The following ZNF546 variants were observed in gnomAD, a reference collection of about 807,000 sequenced individuals.
The protein encoded by ZNF546 is zinc finger protein 546.
ZNF546 carries 60 observed loss-of-function variants against 76.2 expected under a neutral mutation model. The ratio of observed to expected loss-of-function variants is 0.79; its 90% CI spans 0.64 to 0.98. The LOEUF (loss-of-function observed/expected upper bound fraction) is 0.98. Among genes scored for constraint, ZNF546 ranks in the 50% least tolerant of loss-of-function variants. ZNF546 has a pLI of 0.00. For missense variants in ZNF546, 936 were observed against 1,035.6 expected (o/e 0.90, Z 1.32); for synonymous variants, 277 against 328.1 (o/e 0.84, Z 1.68).
At position 39,998,281 on chromosome 19, in the gene ZNF546, G is replaced by T. The variant is rs764993739; in HGVS notation, c.-46G>T. 1.5e-5 allele frequency: 22 copies of T among 1,462,688 alleles called. No homozygotes were observed. Among genetic ancestry groups the T allele is most frequent in the Non-Finnish European group, 1.9e-5 (20 of 1,044,422 alleles). 90.6% of individuals were successfully genotyped at this position (1,462,688 alleles called of 1,614,324 possible). On this transcript the variant is annotated 5_prime_UTR_variant, in exon 3 of 7. Transcript: ENST00000347077. ...AACATTGCTTTGCTTTTCCTGAATT[G>T]TCCAGTGACCTATCCCAGGCCTTCC...
intron 1 of ZNF546, among the ~76,000 whole-genome samples, chr19:39,997,576 C>T (rs1971470776): frequency 6.6e-6 from 1 of 152,206 alleles, no homozygotes; most frequent in Admixed American, 6.5e-5. Context: ...TTAGAAGTGT[C>T]CCTAAAACAG....
intron 3 of ZNF546, among the ~76,000 whole-genome samples, chr19:40,002,329 A>G (rs1192248975): frequency 6.6e-6 from 1 of 152,228 alleles, no homozygotes; most frequent in Non-Finnish European, 1.5e-5. Context: ...ATATGCTTTA[A>G]TAGCCACTTG....
chr19:40,013,622 G>A, intron 6 of ZNF546, 43 bp from the exon 7 acceptor site: 5 of 1,437,624 alleles, frequency 3.5e-6, no homozygotes, highest in Non-Finnish European at 4.6e-6. Flanking sequence ...TAGCATTATA[G>A]CATTTGTTTA....
chr19:40,020,063 C>T lies in ZNF546; in HGVS notation c.*4282C>T, dbSNP rs1005925555. ...CAAGCAGTTTTGTGAAAAGCCTTCCCGGTAAGAATACAAAAGCATCTGCAC... is the reference window on the plus strand; with the variant it reads ...CAAGCAGTTTTGTGAAAAGCCTTCCTGGTAAGAATACAAAAGCATCTGCAC... On this transcript the variant is annotated 3_prime_UTR_variant, in exon 7 of 7. Transcript: ENST00000347077. The T allele has an allele frequency of 2.0e-5, 3 of 152,092 alleles. No homozygotes were observed. Among genetic ancestry groups the T allele is most frequent in the South Asian group, 2.1e-4 (1 of 4,824 alleles). 9.4% of individuals were successfully genotyped at this position (152,092 alleles called of 1,614,324 possible). A position where few individuals can be genotyped will look rare whatever the true frequency, so the allele number is the denominator to read the frequency against.
rs1971767930 is a variant in ZNF546 at position 40,016,352 on chromosome 19, C to G, written c.*571C>G. ...CCTGGCCAACATGGTGAAACCCCTT[C>G]TCTACTAAAATACACAAATTAGCTA... On this transcript the variant is annotated 3_prime_UTR_variant, in exon 7 of 7. Transcript: ENST00000347077. 6.5e-6 allele frequency: 1 copy of G among 153,756 alleles called. No individual in the cohort carries two copies. The highest frequency in any genetic ancestry group is 6.4e-5 in the Admixed American group (1 of 15,524). The allele number at this position is 153,756 out of a possible 1,614,324, so 9.5% of individuals were successfully genotyped here. A position where few individuals can be genotyped will look rare whatever the true frequency, so the allele number is the denominator to read the frequency against.
In ZNF546 at chr19:39,998,295, C is replaced by T. The variant is rs1475553279; in HGVS notation, c.-32C>T. On this transcript the variant is annotated 5_prime_UTR_variant, in exon 3 of 7. Coordinates refer to ENST00000347077, the MANE Select transcript of ZNF546 (RefSeq NM_178544.5). ...TTTCCTGAATTGTCCAGTGACCTAT[C>T]CCAGGCCTTCCTTTCCAGTGAACAA... The T allele has an allele frequency of 1.3e-6, 2 of 1,576,660 alleles. No individual in the cohort carries two copies. The highest frequency in any genetic ancestry group is 1.7e-6 in the Non-Finnish European group (2 of 1,146,064).
At position 40,019,958 on chromosome 19, in the gene ZNF546, C is replaced by T. The variant is rs1334614632; in HGVS notation, c.*4177C>T. On this transcript the variant is annotated 3_prime_UTR_variant, in exon 7 of 7. Coordinates refer to ENST00000347077, the MANE Select transcript of ZNF546 (RefSeq NM_178544.5). ...TTTCCTCAATGCTTAACACTGAGCA[C>T]AATTTTTCACATATTTGAAATCAAG... is the stretch of plus-strand genomic sequence containing the variant. 1.3e-5 allele frequency: 2 copies of T among 152,080 alleles called. No individual in the cohort carries two copies. Among genetic ancestry groups the T allele is most frequent in the African/African-American group, 2.4e-5 (1 of 41,412 alleles). The allele number at this position is 152,080 out of a possible 1,614,324, so 9.4% of individuals were successfully genotyped here. A position where few individuals can be genotyped will look rare whatever the true frequency, so the allele number is the denominator to read the frequency against.
intron 3 of ZNF546, among the ~76,000 whole-genome samples, chr19:40,004,808 T>C (rs1405928186): frequency 2.6e-5 from 4 of 152,104 alleles, no homozygotes; most frequent in Non-Finnish European, 2.9e-5. Context: ...ATCTTGGATA[T>C]TTCCCAAATC....
At chr19:40,005,411 T>G (rs1194929070) in intron 3 of ZNF546, among the ~76,000 whole-genome samples, 1 of 152,180 alleles carries the variant, frequency 6.6e-6, no homozygotes, top group African/African-American at 2.4e-5. Context: ...TCCTTCTACA[T>G]GCCATGTTTT....
At position 40,014,808 on chromosome 19, in the gene ZNF546, C is replaced by T. The variant is rs1971732206; in HGVS notation, c.1538C>T (p.Thr513Ile). ...GKTFSSRYHLTQHYRIHTGEK... is the reference protein window; with the variant it reads ...GKTFSSRYHLIQHYRIHTGEK... ...ACCTTCAGTAGTCGCTATCATCTCA[C>T]TCAACACTACAGAATTCATACTGGT... The change falls in exon 7 of 7, where the codon ACT becomes ATT. Residue 513 changes from threonine (T) to isoleucine (I), a missense_variant. Thr to Ile is a moderately conservative substitution (Grantham distance 89). Transcript: ENST00000347077. The T allele has an allele frequency of 1.2e-6, 2 of 1,613,822 alleles. No individual in the cohort carries two copies. The highest frequency in any genetic ancestry group is 2.2e-5 in the East Asian group (1 of 44,864).
In ZNF546 at chr19:40,020,072, T is replaced by A. The variant is rs1158489240; in HGVS notation, c.*4291T>A. On this transcript the variant is annotated 3_prime_UTR_variant, in exon 7 of 7. Transcript: ENST00000347077. ...TTGTGAAAAGCCTTCCCGGTAAGAA[T>A]ACAAAAGCATCTGCACCAAAATATA... 6.6e-6 allele frequency: 1 copy of A among 152,154 alleles called. No individual in the cohort carries two copies. Among genetic ancestry groups the A allele is most frequent in the Non-Finnish European group, 1.5e-5 (1 of 68,000 alleles). The allele number at this position is 152,154 out of a possible 1,614,324, so 9.4% of individuals were successfully genotyped here. A position where few individuals can be genotyped will look rare whatever the true frequency, so the allele number is the denominator to read the frequency against.
intron 6 of ZNF546, among the ~76,000 whole-genome samples, chr19:40,009,279 C>G (rs1971642590): frequency 6.6e-6 from 1 of 152,122 alleles, no homozygotes. Context: ...GTGTTTATTC[C>G]CAAAGTAAAT....
intron 6 of ZNF546, among the ~76,000 whole-genome samples, chr19:40,010,946 C>T (rs912620049): frequency 6.6e-6 from 1 of 152,140 alleles, no homozygotes; most frequent in African/African-American, 2.4e-5. Context: ...TCCCAAAGTG[C>T]TGGGCTTACA....
intron 3 of ZNF546, among the ~76,000 whole-genome samples, chr19:40,001,550 C>A (rs186258869): frequency 6.6e-6 from 1 of 151,778 alleles, no homozygotes; most frequent in African/African-American, 2.4e-5. Flanking sequence ...TTAGTAGAGA[C>A]GGGGTTTCAC....
intron 3 of ZNF546, among the ~76,000 whole-genome samples, chr19:40,004,813 C>T (rs887560701): frequency 6.6e-6 from 1 of 151,748 alleles, no homozygotes; most frequent in Non-Finnish European, 1.5e-5. Flanking sequence ...GGATATTTCC[C>T]AAATCCTTTA....
intron 6 of ZNF546, among the ~76,000 whole-genome samples, chr19:40,012,500 G>C (rs1971685003): frequency 6.6e-6 from 1 of 152,208 alleles, no homozygotes; most frequent in African/African-American, 2.4e-5. Context: ...AATATTTACA[G>C]AGGTGGTTTG....
At chr19:40,004,938 A>AC (rs5828053) in intron 3 of ZNF546, among the ~76,000 whole-genome samples, 23,592 of 148,498 alleles carry the variant, frequency 0.16, 4,473 homozygotes, top group African/African-American at 0.45. Flanking sequence ...GCTGAATTCT[A>AC]CCTCCCTGCA....
rs1971746761 is a variant in ZNF546, at chr19:40,015,314, C to G, written c.2044C>G (p.Gln682Glu). 6.2e-7 allele frequency: 1 copy of G among 1,613,934 alleles called. No individual in the cohort carries two copies. Among genetic ancestry groups the G allele is most frequent in the Non-Finnish European group, 8.5e-7 (1 of 1,179,974 alleles). ...GTTTAGTCGGCACTATCATCTTACT[C>G]AACATCACAGAGGCCATACTGGTGA... ...KTFSRHYHLT[Q>E]HHRGHTGEKP... The change falls in exon 7 of 7, where the codon CAA (glutamine) becomes GAA (glutamate). Residue 682 changes from glutamine (Q) to glutamate (E), a missense_variant. Coordinates refer to ENST00000347077, the MANE Select transcript of ZNF546 (RefSeq NM_178544.5).
rs757354868 is a variant in ZNF546, at chr19:40,015,855, G to A, written c.*74G>A. 4.1e-5 allele frequency: 53 copies of A among 1,300,596 alleles called. 1 individual carries two copies. The highest frequency in any genetic ancestry group is 1.5e-4 in the African/African-American group (10 of 67,764). 80.6% of individuals were successfully genotyped at this position (1,300,596 alleles called of 1,614,324 possible). On this transcript the variant is annotated 3_prime_UTR_variant, in exon 7 of 7. Transcript: ENST00000347077. ...ATTTAAGAAATTTTCTGTTTGTTAC[G>A]GAACATGTGGGAATCCCTTTTACTT...
Sources: allele counts gnomAD v4.1 joint callset (sites outside exome capture counted in the v4.1 genomes callset), GRCh38; gene constraint gnomAD v4.1.1; transcripts MANE v1.5; gene names NCBI Gene and HGNC (gene_info 2026-07-23, HGNC 2026-07-21).